MGAT4C: variants seen among roughly 807,000 people sequenced by gnomAD.
MGAT4C encodes the protein MGAT4 family member C.
In MGAT4C, 19 loss-of-function variants were observed where a neutral mutation model predicts 40.1. The ratio of observed to expected loss-of-function variants is 0.47; its 90% CI spans 0.33 to 0.70. MGAT4C has a LOEUF of 0.70. Ranked by LOEUF, MGAT4C falls within the 30% of genes least tolerant of loss-of-function variation. MGAT4C has a pLI of 0.02. For missense variants in MGAT4C, 491 were observed against 563.2 expected, an observed-to-expected ratio of 0.87 and a Z score of 1.30; for synonymous variants, 181 against 187.1, an observed-to-expected ratio of 0.97 and a Z score of 0.27.
In MGAT4C at chr12:85,959,270, T is replaced by C. The variant is rs562814061; in HGVS notation, c.*20019A>G. The C allele has an allele frequency of 1.3e-5, 2 of 152,178 alleles. No homozygotes were observed. The highest frequency in any genetic ancestry group is 2.1e-4 in the South Asian group (1 of 4,826). The allele number at this position is 152,178 out of a possible 1,614,324, so 9.4% of individuals were successfully genotyped here. On this transcript the variant is annotated 3_prime_UTR_variant, in exon 5 of 5. Coordinates refer to ENST00000611864, the MANE Select transcript of MGAT4C (RefSeq NM_001351288.2). The stretch of plus-strand genomic sequence containing the variant: ...AAAAGGCAGAAAAGCTGGAAAAATC[T>C]CATGAAGACTAGAAGATTTACACTC...
chr12:86,203,644 CTTCT>C, intron 1 of MGAT4C, among the ~76,000 whole-genome samples: 1 of 152,144 alleles, frequency 6.6e-6, no homozygotes, highest in African/African-American at 2.4e-5. Flanking sequence ...ATGTATTTTC[CTTCT>C]TTCAAGGATA....
intron 3 of MGAT4C, among the ~76,000 whole-genome samples, chr12:86,397,130 C>T (rs1410973258): frequency 1.3e-5 from 2 of 152,060 alleles, no homozygotes; most frequent in African/African-American, 2.4e-5. Context: ...CTTTATAGCA[C>T]TTGCCATATT....
intron 1 of MGAT4C, among the ~76,000 whole-genome samples, chr12:86,090,736 A>ACTT (rs768490914): frequency 6.6e-6 from 1 of 151,902 alleles, no homozygotes; most frequent in Non-Finnish European, 1.5e-5. Flanking sequence ...GTGAGCTTGG[A>ACTT]CTTCTTCTCC....
rs1303592350 is a variant in MGAT4C, at chr12:86,082,293, T to C, written c.-56-32570A>G. On this transcript the variant is annotated intron_variant, in intron 1 of 4. Coordinates refer to ENST00000611864, the MANE Select transcript of MGAT4C (RefSeq NM_001351288.2). ...CAGCTGCAAAATGAAGGCTTTGGAT[T>C]AAACCATCTCTAAGCAATTTCACCT... 3.9e-5 allele frequency among the ~76,000 whole-genome samples: 6 copies of C among 152,312 alleles called. No individual in the cohort carries two copies. In the East Asian group the frequency reaches 9.6e-4, roughly 24 times the overall value.
rs190712357 is a variant in MGAT4C, at chr12:86,420,144, G to A, written c.-120+15013C>T. On this transcript the variant is annotated intron_variant, in intron 3 of 7. Transcript: ENST00000548651. ...CATAATCCCAGCACTTTGGGAGGGT[G>A]GGGTGGGGGAATTGCTTGACCCCAG... Among the ~76,000 whole-genome samples the A allele has an allele frequency of 2.8e-3, 424 of 151,976 alleles. 2 individuals are homozygous for A. The highest frequency in any genetic ancestry group is 9.7e-3 in the African/African-American group (400 of 41,432).
intron 1 of MGAT4C, among the ~76,000 whole-genome samples, chr12:86,183,133 C>T (rs1888312582): frequency 1.3e-5 from 2 of 152,146 alleles, no homozygotes; most frequent in Non-Finnish European, 2.9e-5. Flanking sequence ...TTCTGTGGAA[C>T]TCATGCTTTA....
intron 2 of MGAT4C, among the ~76,000 whole-genome samples, chr12:86,616,479 A>C (rs1962451849): frequency 6.6e-6 from 1 of 152,152 alleles, no homozygotes; most frequent in Admixed American, 6.5e-5. Flanking sequence ...TGCAATAGTG[A>C]ACGTTGACAT....
intron 1 of MGAT4C, among the ~76,000 whole-genome samples, chr12:86,190,893 G>C (rs944950519): frequency 2.0e-5 from 3 of 151,934 alleles, no homozygotes; most frequent in Non-Finnish European, 2.9e-5. Flanking sequence ...AAAAACCGAG[G>C]TTTTCCAGAG....
intron 1 of MGAT4C, among the ~76,000 whole-genome samples, chr12:86,792,823 C>T (rs140315384): frequency 4.3e-4 from 66 of 152,034 alleles, no homozygotes; most frequent in African/African-American, 1.3e-3. Flanking sequence ...CCCAACTACC[C>T]GGGAGGCTGA....
At chr12:86,014,785 G>C (rs917023380) in intron 2 of MGAT4C, among the ~76,000 whole-genome samples, 1 of 151,884 alleles carries the variant, frequency 6.6e-6, no homozygotes, top group South Asian at 2.1e-4. Context: ...AATGAGGAGC[G>C]CCAAGGAGTA....
chr12:86,778,317 T>G (rs1024876172), intron 1 of MGAT4C, among the ~76,000 whole-genome samples: 1 of 152,114 alleles, frequency 6.6e-6, no homozygotes. Context: ...GCTGCGTAAA[T>G]AAAGAGAAGA....
At chr12:86,046,146 T>C (rs1892377605) in intron 2 of MGAT4C, among the ~76,000 whole-genome samples, 1 of 152,210 alleles carries the variant, frequency 6.6e-6, no homozygotes, top group South Asian at 2.1e-4. Context: ...ACATAAGATG[T>C]TGTGGAAGAC....
rs1257539142 is a variant in MGAT4C, at chr12:86,207,109, TTC to T, written c.-57+49128_-57+49129del. On this transcript the variant is annotated intron_variant, in intron 1 of 4. Transcript: ENST00000611864. ...CAGAACCTATGTTGGACCCTTTTTT[TTC>T]TTTTTTTTTTTTTAGCTCGCTTAAT... Among the ~76,000 whole-genome samples, 9 of 61,782 alleles carry T rather than the reference TTC, an allele frequency of 1.5e-4. No homozygotes were observed. In the East Asian group the frequency reaches 2.8e-3, roughly 19 times the overall value. 40.5% of individuals were successfully genotyped at this position (61,782 alleles called of 152,430 possible).
Position 85,974,470 on chromosome 12 carries a change from A to T in MGAT4C, c.*4819T>A, listed in dbSNP as rs899213063. 2 of 150,768 alleles carry T rather than the reference A, an allele frequency of 1.3e-5. No individual in the cohort carries two copies. The highest frequency in any genetic ancestry group is 3.0e-5 in the Non-Finnish European group (2 of 67,034). 9.3% of individuals were successfully genotyped at this position (150,768 alleles called of 1,614,324 possible). ...TACATGTATATATGTATATATATAC[A>T]CAAATATACACACATATTCACATAA... On this transcript the variant is annotated 3_prime_UTR_variant, in exon 5 of 5. Transcript: ENST00000611864.
At position 85,956,418 on chromosome 12, in the gene MGAT4C, A is replaced by G. The variant is rs1443152276; in HGVS notation, c.*22871T>C. On this transcript the variant is annotated 3_prime_UTR_variant, in exon 5 of 5. Transcript: ENST00000611864. ...GGTGTTTTGTTTGTCCTTAGACAAT[A>G]GAGATAATATATTCATTATGTTTCC... is the stretch of plus-strand genomic sequence containing the variant. 1 of 152,224 alleles carries G rather than the reference A, an allele frequency of 6.6e-6. No homozygotes were observed. Among genetic ancestry groups the G allele is most frequent in the Non-Finnish European group, 1.5e-5 (1 of 68,034 alleles). The allele number at this position is 152,224 out of a possible 1,614,324, so 9.4% of individuals were successfully genotyped here. A position where few individuals can be genotyped will look rare whatever the true frequency, so the allele number is the denominator to read the frequency against.
intron 1 of MGAT4C, among the ~76,000 whole-genome samples, chr12:86,815,712 C>T (rs886254115): frequency 6.6e-6 from 1 of 151,474 alleles, no homozygotes; most frequent in African/African-American, 2.4e-5. Context: ...TTTGCAGTGA[C>T]CTGGATGGGA....
At chr12:86,443,960 A>G (rs189573612) in intron 2 of MGAT4C, among the ~76,000 whole-genome samples, 134 of 152,276 alleles carry the variant, frequency 8.8e-4, no homozygotes, top group South Asian at 6.6e-3. Flanking sequence ...TATTCATATA[A>G]GTTACTCCCT....
At chr12:86,250,304 A>G (rs963999419) in intron 1 of MGAT4C, among the ~76,000 whole-genome samples, 2 of 149,646 alleles carry the variant, frequency 1.3e-5, no homozygotes, top group East Asian at 3.9e-4. Flanking sequence ...AAACAAAACA[A>G]ACAAGCAACC....
At chr12:86,096,340 A>T (rs1442962742) in intron 1 of MGAT4C, among the ~76,000 whole-genome samples, 1 of 150,466 alleles carries the variant, frequency 6.6e-6, no homozygotes, top group African/African-American at 2.4e-5. Flanking sequence ...TTGCTCCTTT[A>T]CTTTGGTATT....
Sources: gnomAD v4.1 joint callset for allele counts (sites outside exome capture counted in the v4.1 genomes callset) on GRCh38, gnomAD v4.1.1 for gene constraint, MANE v1.5 for transcripts, NCBI Gene and HGNC (gene_info 2026-07-23, HGNC 2026-07-21) for gene names.